The following TOMM20L variants were observed in gnomAD, a reference collection of about 807,000 sequenced individuals.
TOMM20L encodes the protein translocase of outer mitochondrial membrane 20 like, also known as TOMM20-like protein 1.
TOMM20L carries 19 observed loss-of-function variants against 20.4 expected under a neutral mutation model. The observed-to-expected ratio is 0.93, with a 90% confidence interval of 0.65 to 1.36. TOMM20L has a LOEUF of 1.36. Among genes scored for constraint, TOMM20L ranks in the 40% most tolerant of loss-of-function variants. The pLI is 0.00. For missense variants in TOMM20L, 218 were observed against 203.7 expected (o/e 1.07, Z -0.43); for synonymous variants, 75 against 79.6 (o/e 0.94, Z 0.30).
chr14:58,411,757 G>C (rs1170054397), downstream of TOMM20L: 2 of 663,308 alleles, frequency 3.0e-6, no homozygotes, highest in Admixed American at 2.8e-5. Flanking sequence ...GGCTGGTCTT[G>C]AACTCCTGAC....
intron 3 of TOMM20L, among the ~76,000 whole-genome samples, chr14:58,405,972 T>A (rs920772398): frequency 6.6e-6 from 1 of 152,178 alleles, no homozygotes; most frequent in African/African-American, 2.4e-5. Flanking sequence ...TCTCCCTGGG[T>A]TACTAAAACA....
chr14:58,398,237 T>C (rs1167787863), intron 2 of TOMM20L, among the ~76,000 whole-genome samples: 2 of 152,240 alleles, frequency 1.3e-5, no homozygotes, highest in African/African-American at 4.8e-5. Context: ...TTTATTACAC[T>C]AAGCTGTGTG....
the TOMM20L span, among the ~76,000 whole-genome samples, chr14:58,413,924 G>A: frequency 4.5e-5 from 6 of 133,896 alleles, no homozygotes; most frequent in African/African-American, 1.1e-4. Flanking sequence ...GAAGAATGGC[G>A]TGAACCCGGG....
downstream of TOMM20L, chr14:58,410,916 T>C: frequency 1.2e-6 from 2 of 1,612,972 alleles, no homozygotes; most frequent in Non-Finnish European, 1.7e-6. Flanking sequence ...AAGTTTATTG[T>C]AGGTCCCCAG....
chr14:58,411,609 G>A (rs1018335254), downstream of TOMM20L, among the ~76,000 whole-genome samples: 14 of 151,540 alleles, frequency 9.2e-5, no homozygotes, highest in Non-Finnish European at 1.8e-4. Flanking sequence ...CCACGATCTC[G>A]GCTCACTGCA....
chr14:58,399,163 C>T (rs376629731), intron 2 of TOMM20L, among the ~76,000 whole-genome samples: 5 of 152,260 alleles, frequency 3.3e-5, no homozygotes, highest in Non-Finnish European at 4.4e-5. Flanking sequence ...TGGGATTACA[C>T]GAGGGAGCCA....
downstream of TOMM20L, among the ~76,000 whole-genome samples, chr14:58,410,106 C>G (rs2036165911): frequency 1.3e-5 from 2 of 151,532 alleles, no homozygotes; most frequent in South Asian, 2.1e-4. Context: ...GGGTCTTGCT[C>G]TGTCGCCCAG....
In TOMM20L at chr14:58,404,043, A is replaced by T. The variant is rs142852777; in HGVS notation, c.262+1282A>T. Among the ~76,000 whole-genome samples, 1,264 of 130,928 alleles carry T rather than the reference A, an allele frequency of 9.7e-3. 150 individuals are homozygous for T. In the East Asian group the frequency reaches 0.25, roughly 26 times the overall value. The allele number at this position is 130,928 out of a possible 152,430, so 85.9% of individuals were successfully genotyped here. A position where few individuals can be genotyped will look rare whatever the true frequency, so the allele number is the denominator to read the frequency against. Reference sequence around the variant, plus strand: ...TTTCTTAATTTAAGAAGTAACTGATATTGCTGGATAAATCAGCATTACACC... The same window carrying T: ...TTTCTTAATTTAAGAAGTAACTGATTTTGCTGGATAAATCAGCATTACACC... On this transcript the variant is annotated intron_variant, in intron 3 of 4. Transcript: ENST00000360945.
Position 58,402,865 on chromosome 14 carries a change from A to G in TOMM20L, c.262+104A>G. 5 of 811,066 alleles carry G rather than the reference A, an allele frequency of 6.2e-6. No individual in the cohort carries two copies. The South Asian group carries it at 8.0e-5, about 13-fold the overall frequency. 50.2% of individuals were successfully genotyped at this position (811,066 alleles called of 1,614,324 possible). A position where few individuals can be genotyped will look rare whatever the true frequency, so the allele number is the denominator to read the frequency against. On this transcript the variant is annotated intron_variant, in intron 3 of 4. Coordinates refer to ENST00000360945, the MANE Select transcript of TOMM20L (RefSeq NM_207377.3). The stretch of plus-strand genomic sequence containing the variant: ...AATAACTAGCTGGATGTGTTAGCCA[A>G]CTCCCCTCATTAAAGAAAAACTATC...
chr14:58,396,153 G>A (rs1025751018), intron 1 of TOMM20L, 60 bp downstream of exon 1: 67 of 1,281,146 alleles, frequency 5.2e-5, no homozygotes, highest in Middle Eastern at 2.7e-4. Context: ...GCTGCCGGCC[G>A]GGAGGGCCCC....
the TOMM20L span, among the ~76,000 whole-genome samples, chr14:58,414,855 G>A: frequency 6.6e-6 from 1 of 152,196 alleles, no homozygotes; most frequent in Admixed American, 6.5e-5. Context: ...GCGAGTGTCA[G>A]TGGAAACCAC....
At chr14:58,402,913 C>T (rs1036665403) in intron 3 of TOMM20L, 152 bp downstream of exon 3, 54 of 616,726 alleles carry the variant, frequency 8.8e-5, no homozygotes, top group Non-Finnish European at 1.4e-4. Context: ...CTTCATCATA[C>T]TGTACTCTTG....
downstream of TOMM20L, chr14:58,412,016 G>A (rs374174833): frequency 2.8e-6 from 4 of 1,446,670 alleles, no homozygotes; most frequent in African/African-American, 4.2e-5. Flanking sequence ...ATAAACAAAT[G>A]TTTTTAGTCT....
At chr14:58,408,891 G>T, downstream of TOMM20L, 1 of 1,222,438 alleles carries the variant, frequency 8.2e-7, no homozygotes, top group Non-Finnish European at 1.1e-6. Context: ...TGTTTCTCCA[G>T]CGGTTTCCAT....
At chr14:58,405,174 G>A (rs1024769634) in intron 3 of TOMM20L, among the ~76,000 whole-genome samples, 4 of 151,970 alleles carry the variant, frequency 2.6e-5, no homozygotes, top group Admixed American at 2.6e-4. Flanking sequence ...CACCATGTTG[G>A]TCAGGCTGGT....
intron 3 of TOMM20L, among the ~76,000 whole-genome samples, chr14:58,406,590 T>C (rs2036060901): frequency 6.6e-6 from 1 of 152,220 alleles, no homozygotes; most frequent in Non-Finnish European, 1.5e-5. Flanking sequence ...GTCAGAAAAT[T>C]AGATTATATT....
At chr14:58,399,526 C>T (rs1439634496) in intron 2 of TOMM20L, among the ~76,000 whole-genome samples, 1 of 152,068 alleles carries the variant, frequency 6.6e-6, no homozygotes, top group Non-Finnish European at 1.5e-5. Context: ...GCAGTTTTAA[C>T]AGCTCCTTCA....
chr14:58,409,234 T>G, downstream of TOMM20L: 2 of 1,566,634 alleles, frequency 1.3e-6, no homozygotes, highest in Non-Finnish European at 1.7e-6. Flanking sequence ...ATGCATGTAT[T>G]CTAAAAGAAT....
At chr14:58,412,150 C>CT (rs538195126), downstream of TOMM20L, 28,671 of 396,426 alleles carry the variant, frequency 0.072, 16 homozygotes, top group South Asian at 0.1. Context: ...ATTAGATTTT[C>CT]TTTTTTTTTT....
Sources: gnomAD v4.1 joint callset for allele counts (sites outside exome capture counted in the v4.1 genomes callset) on GRCh38, gnomAD v4.1.1 for gene constraint, MANE v1.5 for transcripts, NCBI Gene and HGNC (gene_info 2026-07-23, HGNC 2026-07-21) for gene names.